Variants in EPHA6 observed in about 807,000 individuals in gnomAD.
EPHA6 encodes the protein ephrin type-A receptor 6.
EPHA6 carries 50 observed loss-of-function variants against 112.0 expected under a neutral mutation model. The ratio of observed to expected loss-of-function variants is 0.45; its 90% CI spans 0.36 to 0.56. The LOEUF (loss-of-function observed/expected upper bound fraction) is 0.56, where lower values mean the gene tolerates loss of function less well. Among genes scored for constraint, EPHA6 ranks in the 20% least tolerant of loss-of-function variants. EPHA6 has a pLI of 0.00. For synonymous variants in EPHA6, 529 were observed against 490.7 expected (o/e 1.08, Z -1.03); for missense variants, 1,280 against 1,417.4 (o/e 0.90, Z 1.56).
intron 1 of EPHA6, among the ~76,000 whole-genome samples, chr3:96,849,762 G>T (rs1314648778): frequency 6.6e-6 from 1 of 152,078 alleles, no homozygotes; most frequent in Non-Finnish European, 1.5e-5. Context: ...CTGACTGGAG[G>T]TTCTTTACCT....
intron 7 of EPHA6, among the ~76,000 whole-genome samples, chr3:97,451,748 T>C (rs767272485): frequency 1.3e-5 from 2 of 151,942 alleles, no homozygotes; most frequent in Non-Finnish European, 2.9e-5. Context: ...ATTGACGGCA[T>C]CCATCTTTTT....
chr3:96,897,583 C>T (rs1388231120), intron 2 of EPHA6, among the ~76,000 whole-genome samples: 2 of 152,148 alleles, frequency 1.3e-5, no homozygotes, highest in Non-Finnish European at 2.9e-5. Context: ...TCTTTTGCAG[C>T]CTCTTCCTTC....
chr3:97,689,657 C>G (rs979056814), intron 14 of EPHA6, among the ~76,000 whole-genome samples: 6 of 152,168 alleles, frequency 3.9e-5, no homozygotes, highest in Non-Finnish European at 8.8e-5. Context: ...ATTTACATAA[C>G]AGAAATGTCG....
At chr3:97,701,608 T>A (rs2033394334) in intron 14 of EPHA6, among the ~76,000 whole-genome samples, 1 of 147,894 alleles carries the variant, frequency 6.8e-6, no homozygotes, top group Non-Finnish European at 1.5e-5. Flanking sequence ...GGATTATGGG[T>A]CATATATATG....
chr3:97,547,280 A>G (rs545218171), intron 11 of EPHA6, among the ~76,000 whole-genome samples: 2 of 152,174 alleles, frequency 1.3e-5, no homozygotes, highest in African/African-American at 4.8e-5. Flanking sequence ...TTTTCCTTCT[A>G]ACAGAGAGGA....
At chr3:97,317,000 C>T (rs1442245957) in intron 5 of EPHA6, among the ~76,000 whole-genome samples, 3 of 151,610 alleles carry the variant, frequency 2.0e-5, no homozygotes, top group South Asian at 4.1e-4. Context: ...TAATATTTAC[C>T]TATGTACTAA....
At chr3:97,439,196 T>A (rs989798336) in intron 6 of EPHA6, among the ~76,000 whole-genome samples, 2 of 152,156 alleles carry the variant, frequency 1.3e-5, no homozygotes, top group African/African-American at 4.8e-5. Context: ...TAGTCATGAA[T>A]GCATTTCAAA....
chr3:97,154,181 AT>A (rs1190371306), intron 3 of EPHA6, among the ~76,000 whole-genome samples: 2,066 of 140,352 alleles, frequency 0.015, 48 homozygotes, highest in African/African-American at 0.06. Flanking sequence ...AAAAAAAAAA[AT>A]ATCAGTCTTT....
intron 14 of EPHA6, among the ~76,000 whole-genome samples, chr3:97,672,641 G>C (rs1172806352): frequency 6.6e-6 from 1 of 152,012 alleles, no homozygotes; most frequent in Non-Finnish European, 1.5e-5. Flanking sequence ...AAAATGGAAG[G>C]ACAGAGAAGA....
At chr3:96,866,941 C>A in intron 2 of EPHA6, 52 bp downstream of exon 2, 1 of 1,058,488 alleles carries the variant, frequency 9.4e-7, no homozygotes, top group Admixed American at 3.1e-5. Flanking sequence ...TTTAAGATCT[C>A]CTAATAGTTG....
intron 12 of EPHA6, among the ~76,000 whole-genome samples, chr3:97,598,749 A>G (rs2093616609): frequency 2.0e-5 from 3 of 151,472 alleles, no homozygotes; most frequent in Non-Finnish European, 3.0e-5. Context: ...TCTTTATAGC[A>G]GCATGATTTA....
chr3:97,627,436 G>T (rs2093867469), intron 13 of EPHA6, among the ~76,000 whole-genome samples: 1 of 151,796 alleles, frequency 6.6e-6, no homozygotes. Flanking sequence ...GTAAAGATTA[G>T]AAGAAGGTAA....
rs1409410040 is a variant in EPHA6 at position 97,327,988 on chromosome 3, T to C, written c.1607-77162T>C. ...ATATATATGTATATGTGCATATATA[T>C]GTATATGTGTATGTATATGTATATG... On this transcript the variant is annotated intron_variant, in intron 5 of 17. Transcript: ENST00000389672. Among the ~76,000 whole-genome samples, 57 of 121,310 alleles carry C rather than the reference T, an allele frequency of 4.7e-4. 1 individual carries two copies. The highest frequency in any genetic ancestry group is 2.4e-3 in the African/African-American group (50 of 20,600). 79.6% of individuals were successfully genotyped at this position (121,310 alleles called of 152,430 possible). A position where few individuals can be genotyped will look rare whatever the true frequency, so the allele number is the denominator to read the frequency against.
chr3:96,859,677 T>C (rs2035900047), intron 1 of EPHA6, among the ~76,000 whole-genome samples: 1 of 152,134 alleles, frequency 6.6e-6, no homozygotes, highest in South Asian at 2.1e-4. Context: ...TTAGCAGACA[T>C]TTCCTGTATT....
chr3:97,536,204 G>T (rs558500947), intron 11 of EPHA6, among the ~76,000 whole-genome samples: 1 of 152,014 alleles, frequency 6.6e-6, no homozygotes, highest in Non-Finnish European at 1.5e-5. Flanking sequence ...CATATACACC[G>T]GTGTCATTAA....
At position 97,427,999 on chromosome 3, in the gene EPHA6, C is replaced by T. The variant is rs28411843; in HGVS notation, c.1732-20569C>T. ...ATAAAATAATCTATACCCCAAATCC[C>T]TGCAACACACAATTTATGTAACAAA... On this transcript the variant is annotated intron_variant, in intron 6 of 17. Coordinates refer to ENST00000389672, the MANE Select transcript of EPHA6 (RefSeq NM_001080448.3). Among the ~76,000 whole-genome samples, 517 of 152,174 alleles carry T rather than the reference C, an allele frequency of 3.4e-3. 3 individuals are homozygous for T. Among genetic ancestry groups the T allele is most frequent in the African/African-American group, 0.011 (454 of 41,504 alleles).
intron 3 of EPHA6, among the ~76,000 whole-genome samples, chr3:97,020,431 C>A (rs1399950758): frequency 6.6e-6 from 1 of 152,174 alleles, no homozygotes. Flanking sequence ...ATTTCTAGGG[C>A]AGTCCAGTTT....
intron 4 of EPHA6, among the ~76,000 whole-genome samples, chr3:97,227,093 A>G (rs966055528): frequency 2.6e-5 from 4 of 152,210 alleles, no homozygotes; most frequent in Non-Finnish European, 4.4e-5. Context: ...AAAAGTGAAT[A>G]TATTAATACA....
In EPHA6 at chr3:97,527,211, C is replaced by T. The variant is rs537654841; in HGVS notation, c.2201-5147C>T. On this transcript the variant is annotated intron_variant, in intron 10 of 17. Transcript: ENST00000389672. The stretch of plus-strand genomic sequence containing the variant: ...TTTTGGAAGCAGGCTCAAGCACAAA[C>T]GGAGCTGTAACTAAACCCTTTGGAA... Among the ~76,000 whole-genome samples, 43 of 152,174 alleles carry T rather than the reference C, an allele frequency of 2.8e-4. 1 individual carries two copies. Among genetic ancestry groups the T allele is most frequent in the African/African-American group, 7.0e-4 (29 of 41,532 alleles).
Sources: allele counts gnomAD v4.1 joint callset (sites outside exome capture counted in the v4.1 genomes callset), GRCh38; gene constraint gnomAD v4.1.1; transcripts MANE v1.5; gene names NCBI Gene and HGNC (gene_info 2026-07-23, HGNC 2026-07-21).